SGCZ: variants seen among roughly 807,000 people sequenced by gnomAD.
SGCZ encodes sarcoglycan zeta, also known as zeta-sarcoglycan.
In SGCZ, 40 loss-of-function variants were observed where a neutral mutation model predicts 41.3. That is an observed-to-expected ratio of 0.97 (90% CI 0.75 to 1.26). SGCZ has a LOEUF of 1.26. SGCZ is among the 50% of genes most tolerant of loss of function. SGCZ has a pLI of 0.00. For synonymous variants in SGCZ, 206 were observed against 137.5 expected (o/e 1.50, Z -3.49); for missense variants, 552 against 369.8 (o/e 1.49, Z -4.04).
At chr8:14,100,713 T>A (rs1801993805) in intron 7 of SGCZ, among the ~76,000 whole-genome samples, 1 of 150,992 alleles carries the variant, frequency 6.6e-6, no homozygotes, top group Admixed American at 6.6e-5. Flanking sequence ...GTAAATCTGT[T>A]TTTAAAAAGG....
chr8:15,201,869 ACTAT>A (rs1036786971), intron 1 of SGCZ, among the ~76,000 whole-genome samples: 1 of 152,218 alleles, frequency 6.6e-6, no homozygotes, highest in African/African-American at 2.4e-5. Context: ...AGAAAGAGTG[ACTAT>A]CTATATAAAA....
chr8:14,587,672 G>A (rs1005203031), intron 1 of SGCZ, among the ~76,000 whole-genome samples: 2 of 152,164 alleles, frequency 1.3e-5, no homozygotes, highest in African/African-American at 4.8e-5. Flanking sequence ...ATAGGAAGCA[G>A]ATGTAATACT....
In SGCZ at chr8:15,056,211, T is replaced by C. The variant is rs73522842; in HGVS notation, c.39+181374A>G. On this transcript the variant is annotated intron_variant, in intron 1 of 7. Transcript: ENST00000382080. Reference sequence around the variant, plus strand: ...GCAAGGACTCTTTCCTTCCAGACCCTTGGATCTAAGTATCCTTTGGAGCTT... The same window carrying C: ...GCAAGGACTCTTTCCTTCCAGACCCCTGGATCTAAGTATCCTTTGGAGCTT... Among the ~76,000 whole-genome samples the C allele has an allele frequency of 5.8e-3, 881 of 152,306 alleles. 10 individuals carry two copies. Among genetic ancestry groups the C allele is most frequent in the African/African-American group, 0.02 (831 of 41,552 alleles).
At chr8:15,159,162 G>A (rs1585624600) in intron 1 of SGCZ, among the ~76,000 whole-genome samples, 3 of 152,154 alleles carry the variant, frequency 2.0e-5, no homozygotes, top group Admixed American at 6.5e-5. Flanking sequence ...AGGTAATGAG[G>A]CCTCTATAAA....
intron 1 of SGCZ, among the ~76,000 whole-genome samples, chr8:14,793,721 G>C (rs552704286): frequency 1.3e-5 from 2 of 152,150 alleles, no homozygotes; most frequent in South Asian, 2.1e-4. Flanking sequence ...TAGAATATGA[G>C]ACACCTGCAC....
At chr8:14,708,047 C>T (rs557195109) in intron 1 of SGCZ, among the ~76,000 whole-genome samples, 4 of 152,070 alleles carry the variant, frequency 2.6e-5, no homozygotes, top group Non-Finnish European at 5.9e-5. Context: ...GTTATATTAT[C>T]AAAACCCAAA....
At chr8:14,702,872 G>T (rs201752528) in intron 1 of SGCZ, among the ~76,000 whole-genome samples, 2 of 133,042 alleles carry the variant, frequency 1.5e-5, no homozygotes, top group South Asian at 2.4e-4. Context: ...TAGATAGATA[G>T]ATAGATAGAT....
At chr8:14,606,349 A>T (rs1368711258) in intron 1 of SGCZ, among the ~76,000 whole-genome samples, 1 of 152,082 alleles carries the variant, frequency 6.6e-6, no homozygotes, top group African/African-American at 2.4e-5. Context: ...TCAACTCAAT[A>T]CCACAAGTTC....
chr8:14,472,255 T>C (rs777312594), intron 2 of SGCZ, among the ~76,000 whole-genome samples: 17 of 152,140 alleles, frequency 1.1e-4, no homozygotes, highest in Non-Finnish European at 2.5e-4. Flanking sequence ...TCTTGTTTAA[T>C]ATCTTTATTT....
intron 1 of SGCZ, among the ~76,000 whole-genome samples, chr8:14,714,669 A>G (rs1308547574): frequency 6.6e-6 from 1 of 152,238 alleles, no homozygotes; most frequent in Non-Finnish European, 1.5e-5. Flanking sequence ...AATATCCAAG[A>G]GAAAACTGAT....
chr8:14,881,146 G>A (rs1804571891), intron 1 of SGCZ, among the ~76,000 whole-genome samples: 1 of 152,050 alleles, frequency 6.6e-6, no homozygotes, highest in Non-Finnish European at 1.5e-5. Context: ...AAAACAAGTG[G>A]AAATACAATT....
At chr8:14,468,677 A>G (rs528497800) in intron 2 of SGCZ, among the ~76,000 whole-genome samples, 36 of 152,078 alleles carry the variant, frequency 2.4e-4, no homozygotes, top group Non-Finnish European at 3.8e-4. Flanking sequence ...AGACACTAAC[A>G]CCTTAAGTAA....
At chr8:14,423,364 G>A (rs1585489954) in intron 2 of SGCZ, among the ~76,000 whole-genome samples, 1 of 151,918 alleles carries the variant, frequency 6.6e-6, no homozygotes, top group Non-Finnish European at 1.5e-5. Flanking sequence ...ATTTTTTAAA[G>A]ATCTTATCCA....
chr8:14,727,206 A>G (rs533356521), intron 1 of SGCZ, among the ~76,000 whole-genome samples: 13 of 152,298 alleles, frequency 8.5e-5, no homozygotes, highest in Non-Finnish European at 1.5e-4. Flanking sequence ...TAAATAGTCA[A>G]TAATCTCAGG....
intron 1 of SGCZ, among the ~76,000 whole-genome samples, chr8:15,168,900 A>C (rs944061603): frequency 6.6e-6 from 1 of 152,212 alleles, no homozygotes; most frequent in African/African-American, 2.4e-5. Context: ...CCAGAAGCTC[A>C]GCATGCTGGC....
At chr8:14,590,062 A>G (rs1319874166) in intron 1 of SGCZ, among the ~76,000 whole-genome samples, 3 of 152,122 alleles carry the variant, frequency 2.0e-5, no homozygotes, top group Non-Finnish European at 2.9e-5. Flanking sequence ...ATGTGTGTAC[A>G]GTAGTAAGAA....
At chr8:14,285,948 A>T (rs1270673043) in intron 3 of SGCZ, among the ~76,000 whole-genome samples, 1 of 152,114 alleles carries the variant, frequency 6.6e-6, no homozygotes, top group East Asian at 1.9e-4. Flanking sequence ...GGAAACACAT[A>T]TGTTTTTGGT....
rs140862376 is a variant in SGCZ at position 14,972,920 on chromosome 8, A to C, written c.39+264665T>G. Among the ~76,000 whole-genome samples, 80 of 152,308 alleles carry C rather than the reference A, an allele frequency of 5.3e-4. 1 individual carries two copies. The highest frequency in any genetic ancestry group is 1.8e-3 in the African/African-American group (76 of 41,574). On this transcript the variant is annotated intron_variant, in intron 1 of 7. Coordinates refer to ENST00000382080, the MANE Select transcript of SGCZ (RefSeq NM_139167.4). ...AAATCTTATGTATTTATTTACACTT[A>C]TCATTTCCAGAGGTCATCCCTTTGT...
At chr8:14,551,516 T>TTATATATAATA (rs1803834571) in intron 2 of SGCZ, among the ~76,000 whole-genome samples, 1 of 10,186 alleles carries the variant, frequency 9.8e-5, no homozygotes, top group African/African-American at 4.3e-4. Flanking sequence ...ATTATATATA[T>TTATATATAATA]TATATATAAT....
Sources: allele counts gnomAD v4.1 joint callset (sites outside exome capture counted in the v4.1 genomes callset), GRCh38; gene constraint gnomAD v4.1.1; transcripts MANE v1.5; gene names NCBI Gene and HGNC (gene_info 2026-07-23, HGNC 2026-07-21).